GALNT2: variants seen among roughly 807,000 people sequenced by gnomAD.
GALNT2 encodes the protein UDP-GalNAc:polypeptide N-acetylgalactosaminyltransferase 2.
Under a neutral mutation model 81.4 loss-of-function variants are expected in GALNT2, and 31 were observed. The observed-to-expected ratio is 0.38, with a 90% CI of 0.29 to 0.51. The LOEUF (loss-of-function observed/expected upper bound fraction) is 0.51. GALNT2 is among the 20% of genes least tolerant of loss of function. GALNT2 has a pLI of 0.87. For synonymous variants in GALNT2, 303 were observed against 287.4 expected, an observed-to-expected ratio of 1.05 and a Z score of -0.55; for missense variants, 629 against 765.7, an observed-to-expected ratio of 0.82 and a Z score of 2.11.
At chr1:230,260,026 TGGAGTC>T (rs1665828455) in intron 11 of GALNT2, among the ~76,000 whole-genome samples, 1 of 152,250 alleles carries the variant, frequency 6.6e-6, no homozygotes, top group South Asian at 2.1e-4. Context: ...AGAAGTTAGA[TGGAGTC>T]AGTCAGGTCA....
rs761779291 is a variant in GALNT2 at position 230,246,098 on chromosome 1, C to A, written c.765C>A (p.Val255=). 8.1e-6 allele frequency: 13 copies of A among 1,613,924 alleles called. No individual in the cohort carries two copies. The highest frequency in any genetic ancestry group is 1.3e-5 in the African/African-American group (1 of 74,890). Residue 255 remains valine (V), a synonymous_variant, in exon 8 of 16, where the codon GTC becomes GTA. Coordinates refer to ENST00000366672, the MANE Select transcript of GALNT2 (RefSeq NM_004481.5). The part of the protein sequence containing the change: ...RTRVVSPIID[V]INMDNFQYVG... Reference sequence around the variant, plus strand: ...GGGTTGTGTCACCCATCATCGATGTCATTAATATGGACAACTTTCAGTATG... The same window carrying A: ...GGGTTGTGTCACCCATCATCGATGTAATTAATATGGACAACTTTCAGTATG...
chr1:230,141,542 T>G (rs1661733011), intron 1 of GALNT2, among the ~76,000 whole-genome samples: 1 of 152,152 alleles, frequency 6.6e-6, no homozygotes, highest in Non-Finnish European at 1.5e-5. Context: ...AATCATCCAG[T>G]ATTTATCCTT....
Position 230,167,969 on chromosome 1 carries a change from C to CCT in GALNT2, c.127-10249_127-10248insCT, listed in dbSNP as rs1662666884. Among the ~76,000 whole-genome samples the CCT allele has an allele frequency of 2.6e-5, 4 of 151,866 alleles. No individual in the cohort carries two copies. In the South Asian group the frequency reaches 6.2e-4, roughly 24 times the overall value. On this transcript the variant is annotated intron_variant, in intron 1 of 15. Coordinates refer to ENST00000366672, the MANE Select transcript of GALNT2 (RefSeq NM_004481.5). ...AAATAATTTTCTAAAATACCCCCCC[C>CCT]TTTTTTTTGTAAAGAGACATTTTCT...
chr1:230,077,375 G>C (rs1659596750), intron 1 of GALNT2, among the ~76,000 whole-genome samples: 1 of 152,016 alleles, frequency 6.6e-6, no homozygotes, highest in African/African-American at 2.4e-5. Context: ...TTTCCCCTGT[G>C]TCTGGAATAC....
rs961249814 is a variant in GALNT2, at chr1:230,281,899, G to C, written c.*2441G>C. 2 of 152,570 alleles carry C rather than the reference G, an allele frequency of 1.3e-5. No individual in the cohort carries two copies. Among genetic ancestry groups the C allele is most frequent in the Non-Finnish European group, 2.9e-5 (2 of 68,044 alleles). The allele number at this position is 152,570 out of a possible 1,614,324, so 9.5% of individuals were successfully genotyped here. A position where few individuals can be genotyped will look rare whatever the true frequency, so the allele number is the denominator to read the frequency against. On this transcript the variant is annotated 3_prime_UTR_variant, in exon 16 of 16. Coordinates refer to ENST00000366672, the MANE Select transcript of GALNT2 (RefSeq NM_004481.5). ...AGCCCTTCGAGCAAAGCGTGCCGAAGTTAGTTGTCTTCTCTGTGCTGGTCC... is the reference window on the plus strand; with the variant it reads ...AGCCCTTCGAGCAAAGCGTGCCGAACTTAGTTGTCTTCTCTGTGCTGGTCC...
At chr1:230,142,924 C>T (rs1661794379) in intron 1 of GALNT2, among the ~76,000 whole-genome samples, 1 of 152,174 alleles carries the variant, frequency 6.6e-6, no homozygotes, top group South Asian at 2.1e-4. Context: ...TTGAGCTCTC[C>T]TGGGTCCTGG....
At chr1:230,186,865 A>G (rs1231712666) in intron 2 of GALNT2, among the ~76,000 whole-genome samples, 1 of 152,180 alleles carries the variant, frequency 6.6e-6, no homozygotes, top group East Asian at 1.9e-4. Flanking sequence ...TTTCCTTTTT[A>G]TGTTGAAACC....
At position 230,275,906 on chromosome 1, in the gene GALNT2, A is replaced by G. The variant is rs1408986349; in HGVS notation, c.1560+1342A>G. ...ATATACATATATAAACACCACATAT[A>G]TACATAGACACCACAGATACATACA... On this transcript the variant is annotated intron_variant, in intron 15 of 15. Coordinates refer to ENST00000366672, the MANE Select transcript of GALNT2 (RefSeq NM_004481.5). This position sits in a 1 kb window ranked among gnomAD's most constrained non-coding sequence, Gnocchi z 5.5. Among the ~76,000 whole-genome samples, 4 of 150,794 alleles carry G rather than the reference A, an allele frequency of 2.7e-5. No individual in the cohort carries two copies. Among genetic ancestry groups the G allele is most frequent in the Non-Finnish European group, 4.4e-5 (3 of 67,492 alleles).
rs1203845810 is a variant in GALNT2 at position 230,193,217 on chromosome 1, G to A, written c.221-9920G>A. On this transcript the variant is annotated intron_variant, in intron 2 of 15. Coordinates refer to ENST00000366672, the MANE Select transcript of GALNT2 (RefSeq NM_004481.5). The surrounding 1 kb of genome is among the most constrained non-coding windows in gnomAD (Gnocchi z 4.3). Reference sequence around the variant, plus strand: ...CTGGGGAGGATTTGAATGAAGAGTTGCAGTACAGCAGTGAATACCTGTATA... The same window carrying A: ...CTGGGGAGGATTTGAATGAAGAGTTACAGTACAGCAGTGAATACCTGTATA... Among the ~76,000 whole-genome samples, 2 of 152,156 alleles carry A rather than the reference G, an allele frequency of 1.3e-5. No homozygotes were observed. Among genetic ancestry groups the A allele is most frequent in the African/African-American group, 4.8e-5 (2 of 41,420 alleles).
chr1:230,168,486 AT>A (rs879403697), intron 1 of GALNT2, among the ~76,000 whole-genome samples: 1 of 152,176 alleles, frequency 6.6e-6, no homozygotes, highest in Non-Finnish European at 1.5e-5. Context: ...TCATTGGAAG[AT>A]TGGCTTTCGA....
At chr1:230,255,667 T>C (rs1665690179) in intron 11 of GALNT2, among the ~76,000 whole-genome samples, 1 of 152,060 alleles carries the variant, frequency 6.6e-6, no homozygotes, top group South Asian at 2.1e-4. Context: ...GGAGTGTGAC[T>C]GCAGAGGGGC....
intron 1 of GALNT2, among the ~76,000 whole-genome samples, chr1:230,136,517 A>T (rs767249744): frequency 1.3e-5 from 2 of 151,382 alleles, no homozygotes; most frequent in Non-Finnish European, 1.5e-5. Flanking sequence ...ACATGCATGC[A>T]CCCCCTCACT....
At chr1:230,239,872 TCTAA>T (rs539161386) in intron 6 of GALNT2, among the ~76,000 whole-genome samples, 78 of 152,360 alleles carry the variant, frequency 5.1e-4, no homozygotes, top group African/African-American at 1.8e-3. Flanking sequence ...AACATACAGC[TCTAA>T]CTTACAACAG....
intron 1 of GALNT2, among the ~76,000 whole-genome samples, chr1:230,144,322 C>T (rs1661843979): frequency 6.6e-6 from 1 of 152,162 alleles, no homozygotes; most frequent in African/African-American, 2.4e-5. Context: ...GTATCCAGAA[C>T]ATTTGTCCTG....
In GALNT2 at chr1:230,243,312, T is replaced by C. The variant is rs1277233673; in HGVS notation, c.614T>C (p.Met205Thr). The change falls in exon 7 of 16, where the codon ATG (methionine) becomes ACG (threonine). Residue 205 changes from methionine (M) to threonine (T), a missense_variant. Physicochemically the swap from Met to Thr is moderately conservative, Grantham distance 81. Around this residue, in one of 3 missense-constraint regions of GALNT2, gnomAD observed 360 missense variants for 492.8 expected, o/e 0.73. Coordinates refer to ENST00000366672, the MANE Select transcript of GALNT2 (RefSeq NM_004481.5). This position sits in a 1 kb window ranked among gnomAD's most constrained non-coding sequence, Gnocchi z 4.2. ...TTCCAACTCGCCTCTGCAGGCCTCA[T>C]GCGCTCACGGGTTCGGGGGGCCGAT... ...VLRNDRREGL[M>T]RSRVRGADAA... The C allele has an allele frequency of 3.1e-6, 5 of 1,604,856 alleles. No individual in the cohort carries two copies. The highest frequency in any genetic ancestry group is 4.2e-6 in the Non-Finnish European group (5 of 1,178,546).
In GALNT2 at chr1:230,121,411, T is replaced by C. The variant is rs1661011887; in HGVS notation, c.126+54005T>C. 5.3e-5 allele frequency among the ~76,000 whole-genome samples: 8 copies of C among 152,290 alleles called. No individual in the cohort carries two copies. In the South Asian group the frequency reaches 1.7e-3, roughly 32 times the overall value. On this transcript the variant is annotated intron_variant, in intron 1 of 15. Transcript: ENST00000366672. ...CTCTGTTGGCTTTCCTGCCCTCCCCTGTTTGCCTTCTTGATTTTTCCCTTC... is the reference window on the plus strand; with the variant it reads ...CTCTGTTGGCTTTCCTGCCCTCCCCCGTTTGCCTTCTTGATTTTTCCCTTC...
At chr1:230,172,623 C>T (rs1167605414) in intron 1 of GALNT2, among the ~76,000 whole-genome samples, 3 of 152,240 alleles carry the variant, frequency 2.0e-5, no homozygotes, top group African/African-American at 7.2e-5. Flanking sequence ...GGGGCTTGCT[C>T]ATCTTCCAGC....
intron 1 of GALNT2, among the ~76,000 whole-genome samples, chr1:230,160,358 A>T (rs2102846062): frequency 6.6e-6 from 1 of 152,288 alleles, no homozygotes; most frequent in East Asian, 1.9e-4. Flanking sequence ...GGCCAGGATC[A>T]CACACCATGC....
chr1:230,236,626 G>C (rs1181245111), intron 5 of GALNT2, 34 bp from the exon 6 acceptor site: 20 of 1,597,160 alleles, frequency 1.3e-5, no homozygotes, highest in Non-Finnish European at 1.7e-5. Flanking sequence ...ATGAACTCCA[G>C]GTTCAAAATG....
Sources: gnomAD v4.1 joint callset for allele counts (sites outside exome capture counted in the v4.1 genomes callset) on GRCh38, gnomAD v4.1.1 for gene constraint, gnomAD v4.1.1 regional missense constraint, Gnocchi (gnomAD v3.1) non-coding constraint, MANE v1.5 for transcripts, NCBI Gene and HGNC (gene_info 2026-07-23, HGNC 2026-07-21) for gene names.